VPS13B: variants seen among roughly 807,000 people sequenced by gnomAD.
VPS13B encodes vacuolar protein sorting 13 homolog B, also known as intermembrane lipid transfer protein VPS13B.
A neutral mutation model predicts 426.4 loss-of-function variants in VPS13B; 285 were observed. That is an observed-to-expected ratio of 0.67 (90% confidence interval 0.61 to 0.74). The LOEUF is 0.74. VPS13B is among the 30% of genes least tolerant of loss of function. The probability of loss-of-function intolerance (pLI) is 0.00; values close to 1 mark genes in which losing one functional copy is unlikely to be tolerated. For missense variants in VPS13B, 4,537 were observed against 4,782.6 expected (o/e 0.95, Z 1.51); for synonymous variants, 1,676 against 1,676.4 (o/e 1.00, Z 0.01).
At chr8:99,866,850 G>A (rs1198156996) in intron 58 of VPS13B, among the ~76,000 whole-genome samples, 1 of 152,248 alleles carries the variant, frequency 6.6e-6, no homozygotes, top group Non-Finnish European at 1.5e-5. Context: ...GGTGCTCCCA[G>A]CTGAGCGCCA....
chr8:99,100,062 T>C (rs1471750955), intron 4 of VPS13B, among the ~76,000 whole-genome samples: 1 of 152,174 alleles, frequency 6.6e-6, no homozygotes, highest in African/African-American at 2.4e-5. Flanking sequence ...CTTGACACTA[T>C]CTTGTACCTT....
At chr8:99,031,305 G>T (rs1667883415) in intron 2 of VPS13B, among the ~76,000 whole-genome samples, 2 of 151,954 alleles carry the variant, frequency 1.3e-5, no homozygotes, top group Non-Finnish European at 2.9e-5. Context: ...TTGTTTTTCT[G>T]ATTTTGTTGA....
intron 3 of VPS13B, among the ~76,000 whole-genome samples, chr8:99,047,305 T>A (rs1843286186): frequency 6.6e-6 from 1 of 152,198 alleles, no homozygotes; most frequent in Non-Finnish European, 1.5e-5. Context: ...GGTTTTCTAG[T>A]TTGTGCATGT....
At chr8:99,382,660 T>C (rs1464333602) in intron 19 of VPS13B, among the ~76,000 whole-genome samples, 1 of 152,206 alleles carries the variant, frequency 6.6e-6, no homozygotes, top group African/African-American at 2.4e-5. Flanking sequence ...TTTTTGTATG[T>C]TGAATTTGTA....
At chr8:99,252,936 TAGA>T (rs1337055180) in intron 17 of VPS13B, among the ~76,000 whole-genome samples, 2 of 152,256 alleles carry the variant, frequency 1.3e-5, no homozygotes, top group South Asian at 2.1e-4. Context: ...TGTCTAAGTT[TAGA>T]ACATTTTTAT....
chr8:99,233,756 A>G, intron 17 of VPS13B: 1 of 779,424 alleles, frequency 1.3e-6, no homozygotes, highest in Admixed American at 1.7e-5. Flanking sequence ...ATTTTTCTTC[A>G]CATTTCTGCC....
intron 3 of VPS13B, among the ~76,000 whole-genome samples, chr8:99,082,050 G>A (rs950416893): frequency 1.6e-4 from 24 of 152,248 alleles, no homozygotes; most frequent in African/African-American, 5.3e-4. Context: ...GACTTCTACA[G>A]TGGTTGAACT....
At chr8:99,078,540 C>T (rs928204378) in intron 3 of VPS13B, among the ~76,000 whole-genome samples, 3 of 151,970 alleles carry the variant, frequency 2.0e-5, no homozygotes, top group Admixed American at 2.0e-4. Context: ...TTCTCAGGCA[C>T]CACTGGTGGC....
intron 19 of VPS13B, among the ~76,000 whole-genome samples, chr8:99,315,535 T>A (rs1029235489): frequency 6.7e-5 from 10 of 150,204 alleles, no homozygotes; most frequent in Non-Finnish European, 4.5e-5. Context: ...AATCTTGGTG[T>A]TTTTTTTTTA....
intron 23 of VPS13B, among the ~76,000 whole-genome samples, chr8:99,464,288 G>A (rs945983453): frequency 6.6e-6 from 1 of 152,162 alleles, no homozygotes; most frequent in African/African-American, 2.4e-5. Context: ...ACTGAGGAAA[G>A]TATCTCCAAT....
At chr8:99,173,130 A>G (rs553355378) in intron 16 of VPS13B, among the ~76,000 whole-genome samples, 2 of 152,230 alleles carry the variant, frequency 1.3e-5, no homozygotes, top group African/African-American at 4.8e-5. Context: ...CACAGTGCCA[A>G]TTGTTGATTT....
At position 99,819,915 on chromosome 8, in the gene VPS13B, G is replaced by T. The variant is rs773442324; in HGVS notation, c.8793-6G>T. 9.9e-6 allele frequency: 16 copies of T among 1,613,708 alleles called. No homozygotes were observed. The highest frequency in any genetic ancestry group is 1.4e-5 in the Non-Finnish European group (16 of 1,179,832). On this transcript the variant is annotated splice_polypyrimidine_tract_variant and splice_region_variant and intron_variant, in intron 48 of 61. Transcript: ENST00000357162. ...TTGAGTCTCTTGGATGTGGTTTTTG[G>T]AACAGGAATGAACAGCTAAGTCAGT...
intron 3 of VPS13B, among the ~76,000 whole-genome samples, chr8:99,092,391 C>G (rs1025226871): frequency 1.3e-5 from 2 of 152,094 alleles, no homozygotes; most frequent in Non-Finnish European, 2.9e-5. Flanking sequence ...TAAAGATTAT[C>G]TTAAAATATT....
chr8:99,581,630 T>G (rs1344912467), intron 33 of VPS13B, among the ~76,000 whole-genome samples: 1 of 152,064 alleles, frequency 6.6e-6, no homozygotes, highest in Non-Finnish European at 1.5e-5. Context: ...ACAGGTTGAG[T>G]CCCCTATCTG....
At chr8:99,397,168 C>T (rs1046455953) in intron 21 of VPS13B, among the ~76,000 whole-genome samples, 7 of 151,958 alleles carry the variant, frequency 4.6e-5, no homozygotes, top group East Asian at 1.9e-4. Flanking sequence ...TTTTTTGAGA[C>T]GGAGTCTCAC....
chr8:99,650,491 G>A (rs1263986850), intron 34 of VPS13B, among the ~76,000 whole-genome samples: 3 of 152,180 alleles, frequency 2.0e-5, no homozygotes, highest in Non-Finnish European at 4.4e-5. Flanking sequence ...ACTCTGTAGT[G>A]ATGTCCCTTA....
At chr8:99,023,933 G>A (rs1329117230) in intron 2 of VPS13B, among the ~76,000 whole-genome samples, 1 of 152,214 alleles carries the variant, frequency 6.6e-6, no homozygotes, top group African/African-American at 2.4e-5. Flanking sequence ...TAGTGGGATT[G>A]CTGGATTATA....
chr8:99,229,136 C>T (rs897225159), intron 17 of VPS13B, among the ~76,000 whole-genome samples: 1 of 151,972 alleles, frequency 6.6e-6, no homozygotes, highest in African/African-American at 2.4e-5. Context: ...GAGAGCAACA[C>T]CTGTGAAAAA....
chr8:99,792,043 A>G (rs1812564509), intron 43 of VPS13B, among the ~76,000 whole-genome samples: 1 of 152,176 alleles, frequency 6.6e-6, no homozygotes, highest in Admixed American at 6.5e-5. Flanking sequence ...AACCACACAC[A>G]TGCATGGGGC....
Sources: allele counts gnomAD v4.1 joint callset (sites outside exome capture counted in the v4.1 genomes callset), GRCh38; gene constraint gnomAD v4.1.1; transcripts MANE v1.5; gene names NCBI Gene and HGNC (gene_info 2026-07-23, HGNC 2026-07-21).